Variants in B3GAT2 observed in about 807,000 individuals in gnomAD.
B3GAT2 encodes beta-1,3-glucuronyltransferase 2.
In B3GAT2, 26 loss-of-function variants were observed where a neutral mutation model predicts 27.8. That is an observed-to-expected ratio of 0.93 (90% CI 0.68 to 1.30). The LOEUF (loss-of-function observed/expected upper bound fraction) is 1.30, where lower values mean the gene tolerates loss of function less well. Among genes scored for constraint, B3GAT2 ranks in the 50% most tolerant of loss-of-function variants. B3GAT2 has a pLI of 0.00. For synonymous variants in B3GAT2, 218 were observed against 195.1 expected, an observed-to-expected ratio of 1.12 and a Z score of -0.98; for missense variants, 458 against 459.0, an observed-to-expected ratio of 1.00 and a Z score of 0.02.
chr6:70,935,509 G>C (rs1322663675), intron 1 of B3GAT2, among the ~76,000 whole-genome samples: 1 of 151,058 alleles, frequency 6.6e-6, no homozygotes, highest in Non-Finnish European at 1.5e-5. Context: ...TCATTGAAAA[G>C]TATGTTTATT....
intron 1 of B3GAT2, among the ~76,000 whole-genome samples, chr6:70,922,313 T>C (rs75340866): frequency 1.2e-4 from 19 of 152,312 alleles, no homozygotes; most frequent in Non-Finnish European, 2.4e-4. Flanking sequence ...ACATGAAATA[T>C]CTGTAGGAAT....
chr6:70,920,666 C>A (rs1427643681), intron 1 of B3GAT2, among the ~76,000 whole-genome samples: 4 of 152,116 alleles, frequency 2.6e-5, no homozygotes, highest in African/African-American at 9.7e-5. Context: ...TTGATTTGAT[C>A]CTGTCATCAT....
chr6:70,897,990 T>C (rs1772421891), intron 1 of B3GAT2, among the ~76,000 whole-genome samples: 1 of 152,190 alleles, frequency 6.6e-6, no homozygotes, highest in African/African-American at 2.4e-5. Flanking sequence ...TTAATACCAA[T>C]GCCACAATAT....
intron 2 of B3GAT2, among the ~76,000 whole-genome samples, chr6:70,886,095 A>G (rs77977940): frequency 0.07 from 10,697 of 152,246 alleles, 1,193 homozygotes; most frequent in African/African-American, 0.24. Flanking sequence ...TGATTTTGTG[A>G]AAAATTTCAT....
At chr6:70,944,224 C>G (rs1242937086) in intron 1 of B3GAT2, among the ~76,000 whole-genome samples, 2 of 150,186 alleles carry the variant, frequency 1.3e-5, no homozygotes, top group Non-Finnish European at 3.0e-5. Flanking sequence ...ACAGTGGGCG[C>G]AGGACAGTGG....
At chr6:70,926,317 GA>G (rs1772957279) in intron 1 of B3GAT2, among the ~76,000 whole-genome samples, 1 of 152,210 alleles carries the variant, frequency 6.6e-6, no homozygotes, top group African/African-American at 2.4e-5. Context: ...GCTGGATGGA[GA>G]ATGACTTTAA....
intron 2 of B3GAT2, among the ~76,000 whole-genome samples, chr6:70,884,208 T>C (rs1377452977): frequency 6.6e-6 from 1 of 152,098 alleles, no homozygotes; most frequent in Non-Finnish European, 1.5e-5. Context: ...TGGGTGTTTT[T>C]TCAAAGCCCC....
At chr6:70,924,266 C>T (rs1481070933) in intron 1 of B3GAT2, among the ~76,000 whole-genome samples, 1 of 151,988 alleles carries the variant, frequency 6.6e-6, no homozygotes, top group Non-Finnish European at 1.5e-5. Context: ...TTAAAGACCA[C>T]AAAGATAAAT....
chr6:70,866,726 GA>G (rs912962079), intron 2 of B3GAT2, among the ~76,000 whole-genome samples: 4 of 152,020 alleles, frequency 2.6e-5, no homozygotes, highest in Non-Finnish European at 4.4e-5. Context: ...GGGAGACAGG[GA>G]AAAAAATTTG....
chr6:70,909,402 A>G (rs764721134), intron 1 of B3GAT2, among the ~76,000 whole-genome samples: 9 of 152,220 alleles, frequency 5.9e-5, no homozygotes, highest in Non-Finnish European at 1.2e-4. Context: ...CTGTGGCTTT[A>G]TTAATATCAG....
At chr6:70,955,730 T>C (rs1765643442) in intron 1 of B3GAT2, 109 bp downstream of exon 1, 2 of 1,279,116 alleles carry the variant, frequency 1.6e-6, no homozygotes, top group East Asian at 3.1e-5. Flanking sequence ...CACGGAGAAC[T>C]GAGAACTCAA....
chr6:70,901,367 G>A (rs1232681121), intron 1 of B3GAT2, among the ~76,000 whole-genome samples: 1 of 152,120 alleles, frequency 6.6e-6, no homozygotes, highest in Non-Finnish European at 1.5e-5. Flanking sequence ...AGAAACCAGG[G>A]ATTCTTAGAG....
chr6:70,895,240 T>C (rs148127997), intron 1 of B3GAT2, among the ~76,000 whole-genome samples: 41 of 152,316 alleles, frequency 2.7e-4, no homozygotes, highest in African/African-American at 9.6e-4. Context: ...GAGGTAATTA[T>C]AATTTCAACA....
Position 70,955,831 on chromosome 6 carries a change from G to C in B3GAT2, c.591+8C>G. On this transcript the variant is annotated splice_region_variant and intron_variant, in intron 1 of 3. Coordinates refer to ENST00000230053, the MANE Select transcript of B3GAT2 (RefSeq NM_080742.3). ...CTCGCCCACCCAGCGGGGCAGGCTG[G>C]CCTTTACCTCCTGGAAGAGCTCCAG... 3 of 1,587,604 alleles carry C rather than the reference G, an allele frequency of 1.9e-6. No individual in the cohort carries two copies. The highest frequency in any genetic ancestry group is 2.6e-6 in the Non-Finnish European group (3 of 1,168,464).
At chr6:70,919,626 T>A (rs1338387182) in intron 1 of B3GAT2, among the ~76,000 whole-genome samples, 1 of 152,128 alleles carries the variant, frequency 6.6e-6, no homozygotes, top group African/African-American at 2.4e-5. Flanking sequence ...TATTCCTCTT[T>A]GTTAGTTTTC....
intron 1 of B3GAT2, among the ~76,000 whole-genome samples, chr6:70,915,841 C>T (rs1199894623): frequency 6.6e-6 from 1 of 152,132 alleles, no homozygotes; most frequent in Non-Finnish European, 1.5e-5. Context: ...TAGTGTGATG[C>T]CTCCAGCTTT....
Position 70,956,894 on chromosome 6 carries a change from G to A in B3GAT2, c.-465C>T. On this transcript the variant is annotated 5_prime_UTR_variant, in exon 1 of 4. Coordinates refer to ENST00000230053, the MANE Select transcript of B3GAT2 (RefSeq NM_080742.3). The stretch of plus-strand genomic sequence containing the variant: ...GGACGCTCTCTGGGACGCCTTCGAG[G>A]GCGGGCGGCGGCGCTGGGGGCTTTC... 1 of 1,020,372 alleles carries A rather than the reference G, an allele frequency of 9.8e-7. No homozygotes were observed. Among genetic ancestry groups the A allele is most frequent in the Non-Finnish European group, 1.2e-6 (1 of 852,868 alleles). The allele number at this position is 1,020,372 out of a possible 1,614,324, so 63.2% of individuals were successfully genotyped here.
Position 70,858,745 on chromosome 6 carries a change from G to A in B3GAT2, c.*2918C>T, listed in dbSNP as rs891417046. On this transcript the variant is annotated 3_prime_UTR_variant, in exon 4 of 4. Transcript: ENST00000230053. Reference sequence around the variant, plus strand: ...CAGGTCGGATGATTACTGCCCCATGGCTCTGTAAAAATTCTTTTTGTTGAG... The same window carrying A: ...CAGGTCGGATGATTACTGCCCCATGACTCTGTAAAAATTCTTTTTGTTGAG... 10 of 152,810 alleles carry A rather than the reference G, an allele frequency of 6.5e-5. No individual in the cohort carries two copies. The highest frequency in any genetic ancestry group is 2.4e-4 in the African/African-American group (10 of 41,432). The allele number at this position is 152,810 out of a possible 1,614,324, so 9.5% of individuals were successfully genotyped here. A position where few individuals can be genotyped will look rare whatever the true frequency, so the allele number is the denominator to read the frequency against.
At chr6:70,867,916 G>C (rs1771877604) in intron 2 of B3GAT2, among the ~76,000 whole-genome samples, 1 of 151,900 alleles carries the variant, frequency 6.6e-6, no homozygotes, top group African/African-American at 2.4e-5. Flanking sequence ...CAAAATTTTA[G>C]CAAATCAAAT....
Sources: allele counts gnomAD v4.1 joint callset (sites outside exome capture counted in the v4.1 genomes callset), GRCh38; gene constraint gnomAD v4.1.1; transcripts MANE v1.5; gene names NCBI Gene and HGNC (gene_info 2026-07-23, HGNC 2026-07-21).